Variants in KHK observed in about 807,000 individuals in gnomAD.
The protein encoded by KHK is fructokinase.
KHK carries 37 observed loss-of-function variants against 36.0 expected under a neutral mutation model. That is an observed-to-expected ratio of 1.03 (90% CI 0.79 to 1.35). KHK has a LOEUF of 1.35. Among genes scored for constraint, KHK ranks in the 40% most tolerant of loss-of-function variants. KHK has a pLI of 0.00. For synonymous variants in KHK, 161 were observed against 162.8 expected, an observed-to-expected ratio of 0.99 and a Z score of 0.08; for missense variants, 395 against 391.9, an observed-to-expected ratio of 1.01 and a Z score of -0.07.
At position 27,099,825 on chromosome 2, in the gene KHK, TG is replaced by T; in HGVS notation, c.*77del. ...ATCGCCTTCTCCCCTCCATCCAGCC[TG>T]GCGTCCAGGTTGCCCTGTTCAGGGG... On this transcript the variant is annotated 3_prime_UTR_variant, in exon 8 of 8. Coordinates refer to ENST00000260598, the MANE Select transcript of KHK (RefSeq NM_006488.3). 6.4e-7 allele frequency: 1 copy of T among 1,568,868 alleles called. No individual in the cohort carries two copies.
intron 2 of KHK, chr2:27,094,443 A>T: frequency 6.2e-7 from 1 of 1,610,804 alleles, no homozygotes; most frequent in East Asian, 2.2e-5. Context: ...CCCTTGTCGA[A>T]CTGCACCCCC....
At chr2:27,097,401 A>T in intron 4 of KHK, 102 bp from the exon 5 acceptor site, 1 of 1,510,118 alleles carries the variant, frequency 6.6e-7, no homozygotes, top group African/African-American at 1.4e-5. Context: ...AGCCTCCCCG[A>T]GGCCCTCTCC....
In KHK at chr2:27,100,679, A is replaced by C. The variant is rs1347265273; in HGVS notation, c.*929A>C. 1.4e-5 allele frequency: 15 copies of C among 1,085,796 alleles called. No homozygotes were observed. The highest frequency in any genetic ancestry group is 1.8e-5 in the Non-Finnish European group (15 of 842,790). The allele number at this position is 1,085,796 out of a possible 1,614,324, so 67.3% of individuals were successfully genotyped here. On this transcript the variant is annotated 3_prime_UTR_variant, in exon 8 of 8. Transcript: ENST00000260598. ...ATCTGCCTCAATTTCTTCATCTGTC[A>C]AATGGAACCAATTCTGCTTGGCTAC... is the stretch of plus-strand genomic sequence containing the variant.
chr2:27,088,099 CTTTTTTTTTTTTTTTT>C (rs1157197145), intron 1 of KHK: 1 of 74,570 alleles, frequency 1.3e-5, no homozygotes, highest in Non-Finnish European at 2.6e-5. Context: ...GTTGTTGGTT[CTTTTTTTTTTTTTTTT>C]TTTTTTTTTT....
intron 1 of KHK, among the ~76,000 whole-genome samples, chr2:27,088,285 G>A (rs116589247): frequency 0.028 from 4,187 of 151,812 alleles, 195 homozygotes; most frequent in African/African-American, 0.096. Flanking sequence ...TTTAAATTTT[G>A]TATAAGGGAC....
intron 4 of KHK, 86 bp from the exon 5 acceptor site, chr2:27,097,417 C>A: frequency 6.3e-7 from 1 of 1,579,500 alleles, no homozygotes. Context: ...TCTCCCTCCT[C>A]ACCCAGAGTT....
chr2:27,087,788 A>ATT (rs1669750282), intron 1 of KHK, among the ~76,000 whole-genome samples: 1 of 152,188 alleles, frequency 6.6e-6, no homozygotes, highest in Non-Finnish European at 1.5e-5. Flanking sequence ...TCTCGCACCT[A>ATT]TTTCTGAGAA....
rs374176560 is a variant in KHK at position 27,099,335 on chromosome 2, G to A, written c.653+51G>A. 5.2e-4 allele frequency: 836 copies of A among 1,612,658 alleles called. 5 individuals carry two copies. In the African/African-American group the frequency reaches 9.9e-3, roughly 19 times the overall value. Reference sequence around the variant, plus strand: ...CTTTAGAAGGTACAGGATGAGCCTGGACTCCAGGAGTCCGCCCTGGAGCTG... The same window carrying A: ...CTTTAGAAGGTACAGGATGAGCCTGAACTCCAGGAGTCCGCCCTGGAGCTG... On this transcript the variant is annotated intron_variant, in intron 6 of 7. Coordinates refer to ENST00000260598, the MANE Select transcript of KHK (RefSeq NM_006488.3).
Position 27,087,337 on chromosome 2 carries a change from G to T in KHK, c.78G>T (p.Glu26Asp). Residue 26 changes from glutamate (E) to aspartate (D), a missense_variant, in exon 1 of 8, where the codon GAG (glutamate) becomes GAT (aspartate). By Grantham distance (45) the Glu-to-Asp change is conservative. Transcript: ENST00000260598. Reference protein sequence around the residue: ...VISLVDKYPKEDSEIRCLSQR... With the variant: ...VISLVDKYPKDDSEIRCLSQR... ...GCCTGGTGGACAAGTACCCTAAGGA[G>T]GACTCGGAGATAAGGTAGGGGCGCC... 6.3e-7 allele frequency: 1 copy of T among 1,593,892 alleles called. No homozygotes were observed. Among genetic ancestry groups the T allele is most frequent in the African/African-American group, 1.3e-5 (1 of 74,692 alleles).
At chr2:27,096,852 C>T in intron 4 of KHK, 51 bp downstream of exon 4, 1 of 1,333,848 alleles carries the variant, frequency 7.5e-7, no homozygotes, top group Non-Finnish European at 1.1e-6. Context: ...CCAGCCTCCT[C>T]CACATGTTCT....
chr2:27,097,739 TG>T, intron 5 of KHK, 90 bp downstream of exon 5: 1 of 1,555,606 alleles, frequency 6.4e-7, no homozygotes, highest in South Asian at 1.1e-5. Context: ...CTACCACAAT[TG>T]GAATAGTGGT....
At position 27,100,583 on chromosome 2, in the gene KHK, T is replaced by A. The variant is rs1049111395; in HGVS notation, c.*833T>A. The A allele has an allele frequency of 8.6e-6, 11 of 1,274,642 alleles. No homozygotes were observed. The African/African-American group carries it at 1.1e-4, about 12-fold the overall frequency. The allele number at this position is 1,274,642 out of a possible 1,614,324, so 79.0% of individuals were successfully genotyped here. Reference sequence around the variant, plus strand: ...GCATATAATGTAAAGGGCTTTAGAGTGAGACAGACCTGGATTAAAATCTGC... The same window carrying A: ...GCATATAATGTAAAGGGCTTTAGAGAGAGACAGACCTGGATTAAAATCTGC... On this transcript the variant is annotated 3_prime_UTR_variant, in exon 8 of 8. Coordinates refer to ENST00000260598, the MANE Select transcript of KHK (RefSeq NM_006488.3).
intron 3 of KHK, among the ~76,000 whole-genome samples, chr2:27,095,381 G>T (rs901443650): frequency 1.3e-5 from 2 of 152,172 alleles, no homozygotes; most frequent in East Asian, 3.9e-4. Flanking sequence ...CTGCAGCATG[G>T]CACCAAGGAG....
At position 27,087,296 on chromosome 2, in the gene KHK, G is replaced by A; in HGVS notation, c.37G>A (p.Val13Met). 1 of 1,601,158 alleles carries A rather than the reference G, an allele frequency of 6.2e-7. No homozygotes were observed. Among genetic ancestry groups the A allele is most frequent in the Non-Finnish European group, 8.5e-7 (1 of 1,173,588 alleles). ...EKQILCVGLV[V>M]LDVISLVDKY... ...GCAGATCCTGTGCGTGGGGCTAGTGGTGCTGGACGTCATCAGCCTGGTGGA... is the reference window on the plus strand; with the variant it reads ...GCAGATCCTGTGCGTGGGGCTAGTGATGCTGGACGTCATCAGCCTGGTGGA... The change falls in exon 1 of 8, where the codon GTG becomes ATG. Residue 13 changes from valine (V) to methionine (M), a missense_variant. Transcript: ENST00000260598.
chr2:27,100,528 T>C lies in KHK; in HGVS notation c.*778T>C, dbSNP rs1670757007. The C allele has an allele frequency of 1.5e-6, 2 of 1,290,788 alleles. No individual in the cohort carries two copies. The highest frequency in any genetic ancestry group is 1.5e-5 in the African/African-American group (1 of 65,828). 80.0% of individuals were successfully genotyped at this position (1,290,788 alleles called of 1,614,324 possible). A position where few individuals can be genotyped will look rare whatever the true frequency, so the allele number is the denominator to read the frequency against. Reference sequence around the variant, plus strand: ...ATTGGAATTGGGGCCAACTCCAATATAGGGTGGGTAAGGCCTTATAATGTA... The same window carrying C: ...ATTGGAATTGGGGCCAACTCCAATACAGGGTGGGTAAGGCCTTATAATGTA... On this transcript the variant is annotated 3_prime_UTR_variant, in exon 8 of 8. Coordinates refer to ENST00000260598, the MANE Select transcript of KHK (RefSeq NM_006488.3).
intron 5 of KHK, chr2:27,098,928 G>A (rs1670590725): frequency 2.2e-6 from 1 of 454,808 alleles, no homozygotes; most frequent in Non-Finnish European, 4.1e-6. Context: ...GCCAGGTGCA[G>A]TGACTCACAC....
chr2:27,099,588 C>A lies in KHK; in HGVS notation c.811+11C>A. On this transcript the variant is annotated intron_variant, in intron 7 of 7. Transcript: ENST00000260598. ...TCAGCCTCTCCCAGGGTGAGTATGG[C>A]AGCAGGAGGGGAAAAGGACTGGGAC... The A allele has an allele frequency of 6.2e-7, 1 of 1,614,110 alleles. No homozygotes were observed. The highest frequency in any genetic ancestry group is 1.3e-5 in the African/African-American group (1 of 75,052).
chr2:27,090,699 C>T (rs891068114), intron 1 of KHK, among the ~76,000 whole-genome samples: 3 of 151,312 alleles, frequency 2.0e-5, no homozygotes, highest in South Asian at 2.1e-4. Context: ...GTGATCCACC[C>T]GCCTCAGCCT....
rs1233793956 is a variant in KHK at position 27,100,456 on chromosome 2, G to A, written c.*706G>A. 1 of 1,290,908 alleles carries A rather than the reference G, an allele frequency of 7.7e-7. No individual in the cohort carries two copies. The highest frequency in any genetic ancestry group is 5.5e-5 in the East Asian group (1 of 18,168). 80.0% of individuals were successfully genotyped at this position (1,290,908 alleles called of 1,614,324 possible). A position where few individuals can be genotyped will look rare whatever the true frequency, so the allele number is the denominator to read the frequency against. ...GTGCCTCAGCCACAAATGTGACCCAGGATACAGAGTGTTGCTGTCCTCAGG... is the reference window on the plus strand; with the variant it reads ...GTGCCTCAGCCACAAATGTGACCCAAGATACAGAGTGTTGCTGTCCTCAGG... On this transcript the variant is annotated 3_prime_UTR_variant, in exon 8 of 8. Coordinates refer to ENST00000260598, the MANE Select transcript of KHK (RefSeq NM_006488.3).
Sources: allele counts gnomAD v4.1 joint callset (sites outside exome capture counted in the v4.1 genomes callset), GRCh38; gene constraint gnomAD v4.1.1; transcripts MANE v1.5; gene names NCBI Gene and HGNC (gene_info 2026-07-23, HGNC 2026-07-21).